Variants in CELF2 observed in about 807,000 individuals in gnomAD.
The protein encoded by CELF2 is CUGBP Elav-like family member 2.
In CELF2, 8 loss-of-function variants were observed where a neutral mutation model predicts 62.6. That is an observed-to-expected ratio of 0.13 (90% CI 0.07 to 0.23). CELF2 has a LOEUF of 0.23. Among genes scored for constraint, CELF2 ranks in the 10% least tolerant of loss-of-function variants. The pLI is 1.00. For synonymous variants in CELF2, 258 were observed against 250.0 expected (o/e 1.03, Z -0.30); for missense variants, 333 against 671.0 (o/e 0.50, Z 5.56).
chr10:10,498,056 G>T, the CELF2 span, among the ~76,000 whole-genome samples: 1 of 152,190 alleles, frequency 6.6e-6, no homozygotes, highest in Non-Finnish European at 1.5e-5. Context: ...GATCTATTTT[G>T]TGGAAGAGAA....
At chr10:10,693,126 G>A in the CELF2 span, among the ~76,000 whole-genome samples, 1 of 83,630 alleles carries the variant, frequency 1.2e-5, no homozygotes, top group Non-Finnish European at 2.4e-5. Flanking sequence ...TGCCCATTCA[G>A]TATGATATTG....
At chr10:11,085,312 A>G (rs908437847) in intron 1 of CELF2, among the ~76,000 whole-genome samples, 4 of 152,242 alleles carry the variant, frequency 2.6e-5, no homozygotes, top group African/African-American at 9.6e-5. Context: ...GCCTGGGTCT[A>G]GAAGCCAGAC....
the CELF2 span, among the ~76,000 whole-genome samples, chr10:10,537,842 C>T: frequency 7.9e-5 from 12 of 152,144 alleles, no homozygotes; most frequent in East Asian, 1.9e-4. Flanking sequence ...GGTGCATAAT[C>T]GACCCAGGGA....
intron 4 of CELF2, among the ~76,000 whole-genome samples, chr10:11,251,140 C>T (rs1416071979): frequency 1.3e-5 from 2 of 152,040 alleles, no homozygotes; most frequent in African/African-American, 2.4e-5. Context: ...GGACAAGGAC[C>T]ATGAAGTGAA....
At chr10:10,676,722 A>T in the CELF2 span, among the ~76,000 whole-genome samples, 1 of 151,946 alleles carries the variant, frequency 6.6e-6, no homozygotes, top group Non-Finnish European at 1.5e-5. Context: ...TCTGCCTATG[A>T]TGTGTTTCCA....
chr10:11,055,379 G>A (rs2064995758), intron 1 of CELF2, among the ~76,000 whole-genome samples: 1 of 152,156 alleles, frequency 6.6e-6, no homozygotes, highest in Admixed American at 6.5e-5. Flanking sequence ...AGATTCCTGT[G>A]TTTCTGAGTC....
intron 1 of CELF2, among the ~76,000 whole-genome samples, chr10:11,164,788 A>G (rs892120415): frequency 1.3e-5 from 2 of 151,818 alleles, no homozygotes; most frequent in African/African-American, 4.8e-5. Context: ...GCCCCCTCCC[A>G]GCTCCGGCCT....
chr10:10,556,750 T>C, the CELF2 span, among the ~76,000 whole-genome samples: 19,024 of 151,718 alleles, frequency 0.13, 1,291 homozygotes, highest in South Asian at 0.19. Context: ...TGGTATCTCA[T>C]TGTGGTTTTG....
intron 1 of CELF2, among the ~76,000 whole-genome samples, chr10:11,108,933 C>T (rs1319946178): frequency 2.6e-5 from 4 of 152,048 alleles, no homozygotes; most frequent in Non-Finnish European, 1.5e-5. Context: ...GATATTAATC[C>T]TCTGTTCACT....
chr10:10,630,530 C>T, the CELF2 span, among the ~76,000 whole-genome samples: 1 of 152,130 alleles, frequency 6.6e-6, no homozygotes, highest in Non-Finnish European at 1.5e-5. Context: ...TAATAGGACT[C>T]TAGTGACTAC....
At chr10:11,072,153 G>A (rs558533259) in intron 1 of CELF2, among the ~76,000 whole-genome samples, 12 of 152,230 alleles carry the variant, frequency 7.9e-5, no homozygotes, top group Non-Finnish European at 1.5e-4. Flanking sequence ...TTCTTTTGTC[G>A]TTTTTTCTTT....
At position 10,885,519 on chromosome 10, in the gene CELF2, T is replaced by A. The variant is rs372537160; in HGVS notation, c.54-34445T>A. Among the ~76,000 whole-genome samples, 381 of 152,044 alleles carry A rather than the reference T, an allele frequency of 2.5e-3. 1 individual carries two copies. The highest frequency in any genetic ancestry group is 8.7e-3 in the African/African-American group (363 of 41,506). ...TCTGACTTCCTGAAGTTTATAAAAATACTTACATAAAGGAAGCAAGCTCAC... is the reference window on the plus strand; with the variant it reads ...TCTGACTTCCTGAAGTTTATAAAAAAACTTACATAAAGGAAGCAAGCTCAC... On this transcript the variant is annotated intron_variant, in intron 1 of 13. Transcript: ENST00000636488.
chr10:10,590,049 G>T, the CELF2 span, among the ~76,000 whole-genome samples: 2 of 152,152 alleles, frequency 1.3e-5, no homozygotes, highest in Admixed American at 1.3e-4. Context: ...TCCTTCCATG[G>T]CCTTGTAGAG....
Position 11,008,742 on chromosome 10 carries a change from G to A in CELF2, c.53+3302G>A, listed in dbSNP as rs1191959616. ...ATTTAAGGTGTCAGAATTCATAGAC[G>A]AAAAGCATACCTTGGTTTTGTCATC... is the stretch of plus-strand genomic sequence containing the variant. On this transcript the variant is annotated intron_variant, in intron 1 of 12. Transcript: ENST00000416382. This position sits in a 1 kb window ranked among gnomAD's most constrained non-coding sequence, Gnocchi z 4.5. Among the ~76,000 whole-genome samples the A allele has an allele frequency of 1.3e-5, 2 of 152,258 alleles. No individual in the cohort carries two copies. The highest frequency in any genetic ancestry group is 3.9e-4 in the East Asian group (2 of 5,190).
chr10:11,258,250 G>T (rs2079407695), intron 5 of CELF2, among the ~76,000 whole-genome samples: 1 of 152,212 alleles, frequency 6.6e-6, no homozygotes, highest in African/African-American at 2.4e-5. Context: ...TCCTGCCTGT[G>T]CCTGAAAGAA....
chr10:10,856,296 T>TA (rs1229107428), intron 1 of CELF2, among the ~76,000 whole-genome samples: 1 of 152,132 alleles, frequency 6.6e-6, no homozygotes, highest in Non-Finnish European at 1.5e-5. Flanking sequence ...ATGTTTTATT[T>TA]AAAAAAAGTT....
At chr10:10,623,740 A>T in the CELF2 span, among the ~76,000 whole-genome samples, 1 of 152,242 alleles carries the variant, frequency 6.6e-6, no homozygotes, top group Admixed American at 6.5e-5. Context: ...GCTTACGTTC[A>T]CTGAGCATTG....
chr10:10,731,243 A>AACACAC, the CELF2 span, among the ~76,000 whole-genome samples: 46 of 146,578 alleles, frequency 3.1e-4, no homozygotes, highest in South Asian at 1.1e-3. Flanking sequence ...TCCTGCAGAA[A>AACACAC]ACACACACAC....
Position 11,324,226 on chromosome 10 carries a change from T to C in CELF2, c.1295-1610T>C, listed in dbSNP as rs1436021730. ...GTATTTTCTCCCCGGCTTCAGGAGG[T>C]GAGATGTACTTCACAGTTCAAACTG... On this transcript the variant is annotated intron_variant, in intron 11 of 12. Coordinates refer to ENST00000633077, the MANE Select transcript of CELF2 (RefSeq NM_001326342.2). This position sits in a 1 kb window ranked among gnomAD's most constrained non-coding sequence, Gnocchi z 4.7. 6.6e-6 allele frequency among the ~76,000 whole-genome samples: 1 copy of C among 152,120 alleles called. No homozygotes were observed. The highest frequency in any genetic ancestry group is 2.4e-5 in the African/African-American group (1 of 41,404).
Sources: allele counts gnomAD v4.1 joint callset (sites outside exome capture counted in the v4.1 genomes callset), GRCh38; gene constraint gnomAD v4.1.1; non-coding constraint Gnocchi (gnomAD v3.1); transcripts MANE v1.5; gene names NCBI Gene and HGNC (gene_info 2026-07-23, HGNC 2026-07-21).